Variants in CNOT1 observed in about 807,000 individuals in gnomAD.
CNOT1 encodes CCR4-associated factor 1.
A neutral mutation model predicts 273.8 loss-of-function variants in CNOT1; 15 were observed. The observed-to-expected ratio is 0.05, with a 90% CI of 0.04 to 0.08. The LOEUF is 0.08. Among genes scored for constraint, CNOT1 ranks in the 10% least tolerant of loss-of-function variants. The pLI, the probability that CNOT1 is intolerant of heterozygous loss-of-function variation, is 1.00. For synonymous variants in CNOT1, 1,022 were observed against 1,005.5 expected (o/e 1.02, Z -0.31); for missense variants, 1,644 against 2,912.2 (o/e 0.56, Z 10.02).
At position 58,587,425 on chromosome 16, in the gene CNOT1, C is replaced by T; in HGVS notation, c.310-12G>A. The T allele has an allele frequency of 6.2e-7, 1 of 1,611,048 alleles. No individual in the cohort carries two copies. The highest frequency in any genetic ancestry group is 8.5e-7 in the Non-Finnish European group (1 of 1,179,564). On this transcript the variant is annotated splice_polypyrimidine_tract_variant and intron_variant, in intron 4 of 48. Coordinates refer to ENST00000317147, the MANE Select transcript of CNOT1 (RefSeq NM_016284.5). ...GCAGGCTTTAAACTCTGAAACAAAC[C>T]AAATTTTAGTTTAAAATAAGAACTT...
intron 17 of CNOT1, 154 bp downstream of exon 17, chr16:58,560,058 A>G (rs892317903): frequency 2.0e-6 from 3 of 1,502,662 alleles, no homozygotes; most frequent in Non-Finnish European, 2.7e-6. Flanking sequence ...GTTAACTACA[A>G]TGCCTATTTA....
At chr16:58,589,660 T>G (rs1430105630) in intron 2 of CNOT1, among the ~76,000 whole-genome samples, 1 of 151,240 alleles carries the variant, frequency 6.6e-6, no homozygotes, top group African/African-American at 2.4e-5. Context: ...TAACAAAAGG[T>G]TTTTTTTTAA....
intron 43 of CNOT1, among the ~76,000 whole-genome samples, 162 bp downstream of exon 43, chr16:58,530,084 A>G (rs2039732150): frequency 6.6e-6 from 1 of 152,158 alleles, no homozygotes; most frequent in African/African-American, 2.4e-5. Flanking sequence ...AACACTGTAC[A>G]ATTTGGGTGC....
chr16:58,611,550 GT>G (rs1264338533), intron 1 of CNOT1, among the ~76,000 whole-genome samples: 1 of 152,230 alleles, frequency 6.6e-6, no homozygotes, highest in Non-Finnish European at 1.5e-5. Context: ...GCCGGGAACA[GT>G]GGCTCACGCC....
At chr16:58,538,402 A>G (rs940296611) in intron 36 of CNOT1, 136 bp from the exon 37 acceptor site, 1 of 643,660 alleles carries the variant, frequency 1.6e-6, no homozygotes, top group Non-Finnish European at 2.8e-6. Flanking sequence ...ATTTAAAAAC[A>G]GCCAGTAATG....
chr16:58,558,465 C>A lies in CNOT1; in HGVS notation c.2332+8G>T, dbSNP rs764334902. 1 of 1,613,764 alleles carries A rather than the reference C, an allele frequency of 6.2e-7. No homozygotes were observed. Among genetic ancestry groups the A allele is most frequent in the South Asian group, 1.1e-5 (1 of 91,008 alleles). Reference sequence around the variant, plus strand: ...AATAATCCATGCTCTCATTTGCCTCCCCCTTACCTGGAAGCTGTGATGAAA... The same window carrying A: ...AATAATCCATGCTCTCATTTGCCTCACCCTTACCTGGAAGCTGTGATGAAA... On this transcript the variant is annotated splice_region_variant and intron_variant, in intron 18 of 48. Transcript: ENST00000317147.
At chr16:58,588,030 G>C in intron 3 of CNOT1, 152 bp from the exon 4 acceptor site, 1 of 794,706 alleles carries the variant, frequency 1.3e-6, no homozygotes, top group Non-Finnish European at 1.9e-6. Context: ...CAGGTGCGGT[G>C]GTTGACAACC....
At chr16:58,576,324 C>T in intron 14 of CNOT1, 139 bp downstream of exon 14, 1 of 1,228,818 alleles carries the variant, frequency 8.1e-7, no homozygotes. Context: ...TTTGGTCAGG[C>T]TGGTCTCGAA....
chr16:58,621,191 G>T (rs115207926), intron 1 of CNOT1, among the ~76,000 whole-genome samples: 1 of 151,908 alleles, frequency 6.6e-6, no homozygotes, highest in Non-Finnish European at 1.5e-5. Flanking sequence ...GAAACTCCTC[G>T]GCTTAAGTGA....
chr16:58,543,149 C>G, intron 31 of CNOT1: 1 of 1,370,354 alleles, frequency 7.3e-7, no homozygotes, highest in South Asian at 1.4e-5. Flanking sequence ...AAGCAGTAAA[C>G]AAATTATTAA....
intron 29 of CNOT1, 95 bp downstream of exon 29, chr16:58,546,226 G>A (rs1023991233): frequency 9.2e-7 from 1 of 1,091,908 alleles, no homozygotes; most frequent in Non-Finnish European, 1.3e-6. Context: ...ACTACATTAT[G>A]TGGGAAATTA....
intron 1 of CNOT1, among the ~76,000 whole-genome samples, chr16:58,614,471 G>T (rs1028596498): frequency 2.4e-5 from 3 of 125,348 alleles, no homozygotes; most frequent in African/African-American, 8.1e-5. Context: ...GTGCCTACAG[G>T]AACAGGCCCC....
At chr16:58,535,539 C>T (rs2039899875) in intron 39 of CNOT1, among the ~76,000 whole-genome samples, 1 of 152,164 alleles carries the variant, frequency 6.6e-6, no homozygotes, top group Admixed American at 6.5e-5. Context: ...TCCATACCCA[C>T]GAAATAGCAA....
chr16:58,543,009 G>C (rs538926636), intron 31 of CNOT1: 2 of 748,726 alleles, frequency 2.7e-6, no homozygotes, highest in African/African-American at 3.8e-5. Context: ...ACGAGAATCA[G>C]TTGAACCTCA....
rs945880929 is a variant in CNOT1 at position 58,586,489 on chromosome 16, T to C, written c.637+56A>G. 11 of 1,479,380 alleles carry C rather than the reference T, an allele frequency of 7.4e-6. No homozygotes were observed. In the African/African-American group the frequency reaches 7.6e-5, roughly 10 times the overall value. 91.6% of individuals were successfully genotyped at this position (1,479,380 alleles called of 1,614,324 possible). A position where few individuals can be genotyped will look rare whatever the true frequency, so the allele number is the denominator to read the frequency against. On this transcript the variant is annotated intron_variant, in intron 7 of 48. Coordinates refer to ENST00000317147, the MANE Select transcript of CNOT1 (RefSeq NM_016284.5). ...AGGGGAGGGGGGAATGCTTTTGTGA[T>C]GTGTCTGTGGTCATCCAAGAAAACC...
At chr16:58,543,251 AAGTC>A (rs1464915391) in intron 31 of CNOT1, 2 of 1,542,490 alleles carry the variant, frequency 1.3e-6, no homozygotes, top group Non-Finnish European at 1.7e-6. Flanking sequence ...ACATCACTTT[AAGTC>A]ATTTTGTATC....
chr16:58,574,870 A>G (rs929024091), intron 15 of CNOT1, 110 bp from the exon 16 acceptor site: 19 of 1,560,750 alleles, frequency 1.2e-5, no homozygotes, highest in Non-Finnish European at 1.5e-5. Context: ...TAACATCTTC[A>G]TTGCCATTTA....
intron 2 of CNOT1, among the ~76,000 whole-genome samples, chr16:58,596,909 A>C (rs899932028): frequency 2.0e-5 from 3 of 147,490 alleles, no homozygotes; most frequent in African/African-American, 5.0e-5. Context: ...AAAAAAAAAA[A>C]AAAAAAAACA....
At chr16:58,574,887 T>C (rs574589549) in intron 15 of CNOT1, 120 bp downstream of exon 15, 230 of 1,558,624 alleles carry the variant, frequency 1.5e-4, no homozygotes, top group Admixed American at 2.4e-4. Flanking sequence ...TTTAAAAAAG[T>C]TGTTTCTTTC....
Sources: allele counts gnomAD v4.1 joint callset (sites outside exome capture counted in the v4.1 genomes callset), GRCh38; gene constraint gnomAD v4.1.1; transcripts MANE v1.5; gene names NCBI Gene and HGNC (gene_info 2026-07-23, HGNC 2026-07-21).